Variants in HS1BP3 observed in about 807,000 individuals in gnomAD.
HS1BP3 encodes the protein HCLS1-binding protein 3.
Under a neutral mutation model 33.5 loss-of-function variants are expected in HS1BP3, and 32 were observed. The observed-to-expected ratio is 0.95, with a 90% confidence interval of 0.72 to 1.28. The LOEUF (loss-of-function observed/expected upper bound fraction) is 1.28, where lower values mean the gene tolerates loss of function less well. Among genes scored for constraint, HS1BP3 ranks in the 50% most tolerant of loss-of-function variants. HS1BP3 has a pLI of 0.00. For synonymous variants in HS1BP3, 187 were observed against 209.2 expected (o/e 0.89, Z 0.92); for missense variants, 486 against 502.3 (o/e 0.97, Z 0.31).
chr2:20,612,781 C>T (rs963987953), intron 2 of HS1BP3, among the ~76,000 whole-genome samples: 2 of 152,158 alleles, frequency 1.3e-5, no homozygotes, highest in Non-Finnish European at 2.9e-5. Context: ...CATCTGTGTA[C>T]AAGCCTTTGA....
chr2:20,629,736 C>T (rs1277600989), intron 4 of HS1BP3, among the ~76,000 whole-genome samples: 9 of 152,232 alleles, frequency 5.9e-5, no homozygotes, highest in South Asian at 2.1e-4. Flanking sequence ...GACAGACACC[C>T]GCTTTCCTGC....
At chr2:20,575,314 G>C (rs1251522304) in intron 5 of HS1BP3, among the ~76,000 whole-genome samples, 4 of 152,222 alleles carry the variant, frequency 2.6e-5, no homozygotes, top group Non-Finnish European at 5.9e-5. Context: ...CAGGGCTAGG[G>C]ACAGGAAGGC....
At chr2:20,621,618 C>T (rs1359902322) in intron 6 of HS1BP3, among the ~76,000 whole-genome samples, 1 of 152,242 alleles carries the variant, frequency 6.6e-6, no homozygotes, top group African/African-American at 2.4e-5. Flanking sequence ...GCTGAGGGTA[C>T]CTGGGAAAAG....
At chr2:20,564,789 A>G (rs1417181842) in intron 5 of HS1BP3, among the ~76,000 whole-genome samples, 2 of 152,136 alleles carry the variant, frequency 1.3e-5, no homozygotes, top group Non-Finnish European at 2.9e-5. Context: ...CGGCCCAGAA[A>G]TAGCCTTTCT....
chr2:20,618,475 C>T lies in HS1BP3; in HGVS notation c.*512G>A. 6.3e-6 allele frequency: 1 copy of T among 158,258 alleles called. No homozygotes were observed. The highest frequency in any genetic ancestry group is 1.4e-5 in the Non-Finnish European group (1 of 72,978). The allele number at this position is 158,258 out of a possible 1,614,324, so 9.8% of individuals were successfully genotyped here. A position where few individuals can be genotyped will look rare whatever the true frequency, so the allele number is the denominator to read the frequency against. ...CTTGGGGACGTCCCCACCCCAGGCC[C>T]AGGCCAGTCAGTCACCCAGGCTACA... On this transcript the variant is annotated 3_prime_UTR_variant, in exon 7 of 7. Transcript: ENST00000304031.
intron 5 of HS1BP3, among the ~76,000 whole-genome samples, chr2:20,573,073 T>C (rs1304421504): frequency 6.6e-6 from 1 of 152,176 alleles, no homozygotes; most frequent in Non-Finnish European, 1.5e-5. Flanking sequence ...CTGTAGTGGG[T>C]TGAATGGTGT....
At chr2:20,605,933 C>A (rs56262828) in intron 2 of HS1BP3, among the ~76,000 whole-genome samples, 22,761 of 152,186 alleles carry the variant, frequency 0.15, 1,893 homozygotes, top group Non-Finnish European at 0.19. Context: ...TTTGTTCGAA[C>A]CCCTGTCTTC....
chr2:20,561,240 GA>G, intron 5 of HS1BP3, among the ~76,000 whole-genome samples: 1 of 152,286 alleles, frequency 6.6e-6, no homozygotes, highest in Admixed American at 6.5e-5. Flanking sequence ...CTGCAGCTCA[GA>G]GCTGGCACAT....
At chr2:20,595,244 G>A (rs1254589224) in intron 3 of HS1BP3, among the ~76,000 whole-genome samples, 1 of 152,152 alleles carries the variant, frequency 6.6e-6, no homozygotes, top group Non-Finnish European at 1.5e-5. Context: ...GCCATGGCCC[G>A]GGAACAGAGC....
At chr2:20,630,451 T>G (rs1260051701) in intron 4 of HS1BP3, among the ~76,000 whole-genome samples, 1 of 152,136 alleles carries the variant, frequency 6.6e-6, no homozygotes, top group Non-Finnish European at 1.5e-5. Flanking sequence ...AATTTTTTTG[T>G]CGAGATGGAG....
At chr2:20,650,911 A>C in intron 1 of HS1BP3, 121 bp downstream of exon 1, 2 of 873,588 alleles carry the variant, frequency 2.3e-6, no homozygotes, top group Non-Finnish European at 3.0e-6. Context: ...TAAGCCACCG[A>C]GGGCGCTGGG....
intron 5 of HS1BP3, among the ~76,000 whole-genome samples, chr2:20,574,954 A>G (rs1181387705): frequency 6.6e-6 from 1 of 152,230 alleles, no homozygotes; most frequent in Non-Finnish European, 1.5e-5. Flanking sequence ...CATAACTGGG[A>G]TGATAATGTT....
intron 5 of HS1BP3, among the ~76,000 whole-genome samples, chr2:20,585,685 A>G (rs1231773612): frequency 6.6e-6 from 1 of 152,202 alleles, no homozygotes; most frequent in African/African-American, 2.4e-5. Flanking sequence ...TACTAGAAAA[A>G]TAACCATTAA....
At chr2:20,596,518 A>G (rs768148770) in intron 3 of HS1BP3, among the ~76,000 whole-genome samples, 2 of 152,206 alleles carry the variant, frequency 1.3e-5, no homozygotes, top group Non-Finnish European at 2.9e-5. Flanking sequence ...TGTGAACCAG[A>G]CAGCAGGCCC....
chr2:20,568,871 G>A (rs540318835), intron 5 of HS1BP3, among the ~76,000 whole-genome samples: 16 of 152,358 alleles, frequency 1.1e-4, no homozygotes, highest in South Asian at 2.1e-4. Flanking sequence ...GACCTCCCAA[G>A]GGACTCATCA....
chr2:20,640,221 A>G (rs1695296276), intron 3 of HS1BP3: 1 of 152,448 alleles, frequency 6.6e-6, no homozygotes, highest in African/African-American at 2.4e-5. Context: ...CTGTGAGACC[A>G]GGGCCTGCCC....
the HS1BP3 span, among the ~76,000 whole-genome samples, chr2:20,553,873 A>G: frequency 3.3e-5 from 5 of 152,190 alleles, no homozygotes; most frequent in Non-Finnish European, 7.3e-5. Context: ...ATGGTCTGAG[A>G]TCTTACCTTT....
At chr2:20,585,527 G>C (rs1693660208) in intron 5 of HS1BP3, among the ~76,000 whole-genome samples, 1 of 152,166 alleles carries the variant, frequency 6.6e-6, no homozygotes, top group African/African-American at 2.4e-5. Flanking sequence ...ACTTGCCCAA[G>C]GTCACACGAT....
At chr2:20,628,405 CAAA>C (rs1694859251) in intron 4 of HS1BP3, among the ~76,000 whole-genome samples, 1 of 151,982 alleles carries the variant, frequency 6.6e-6, no homozygotes, top group South Asian at 2.1e-4. Context: ...TAGTTTAAAG[CAAA>C]AAGTTTACGG....
Sources: gnomAD v4.1 joint callset for allele counts (sites outside exome capture counted in the v4.1 genomes callset) on GRCh38, gnomAD v4.1.1 for gene constraint, MANE v1.5 for transcripts, NCBI Gene and HGNC (gene_info 2026-07-23, HGNC 2026-07-21) for gene names.